The following CDH4 variants were observed in gnomAD, a reference collection of about 807,000 sequenced individuals.
CDH4 encodes cadherin-4.
CDH4 carries 33 observed loss-of-function variants against 86.0 expected under a neutral mutation model. The observed-to-expected ratio is 0.38, with a 90% CI of 0.29 to 0.51. The LOEUF (loss-of-function observed/expected upper bound fraction) is 0.51, where lower values mean the gene tolerates loss of function less well. CDH4 is among the 20% of genes least tolerant of loss of function. CDH4 has a pLI of 0.86. For synonymous variants in CDH4, 555 were observed against 549.4 expected (o/e 1.01, Z -0.14); for missense variants, 1,114 against 1,307.4 (o/e 0.85, Z 2.28).
In CDH4 at chr20:61,433,214, G is replaced by A. The variant is rs147636398; in HGVS notation, c.169+178277G>A. 4.0e-3 allele frequency among the ~76,000 whole-genome samples: 611 copies of A among 152,120 alleles called. 6 individuals are homozygous for A. Among genetic ancestry groups the A allele is most frequent in the African/African-American group, 0.014 (579 of 41,500 alleles). ...TTCTTCTGTTTTTTAAATTTTTTCC[G>A]TATGGTTATCCAATTGTTGGTGCAC... On this transcript the variant is annotated intron_variant, in intron 2 of 15. Transcript: ENST00000614565.
At chr20:61,306,332 TTTTC>T (rs1302916460) in intron 2 of CDH4, among the ~76,000 whole-genome samples, 1 of 71,182 alleles carries the variant, frequency 1.4e-5, no homozygotes, top group African/African-American at 4.8e-5. Flanking sequence ...AAGTTTTCTT[TTTTC>T]TTTCTTTTTC....
At chr20:61,333,221 A>G (rs945516760) in intron 2 of CDH4, among the ~76,000 whole-genome samples, 1 of 151,968 alleles carries the variant, frequency 6.6e-6, no homozygotes, top group Non-Finnish European at 1.5e-5. Flanking sequence ...ACACGTGCAG[A>G]CACGCATGCA....
intron 2 of CDH4, among the ~76,000 whole-genome samples, chr20:61,470,993 G>C (rs889297548): frequency 1.3e-5 from 2 of 151,882 alleles, no homozygotes; most frequent in African/African-American, 2.4e-5. Flanking sequence ...TGGTTTGTAG[G>C]CTTTCTTTTT....
chr20:61,642,846 A>T (rs1390337569), intron 2 of CDH4, among the ~76,000 whole-genome samples: 1 of 152,070 alleles, frequency 6.6e-6, no homozygotes, highest in Non-Finnish European at 1.5e-5. Flanking sequence ...AAGCCAGAAA[A>T]TGTATCATTT....
Position 61,501,522 on chromosome 20 carries a change from G to A in CDH4, c.170-242041G>A, listed in dbSNP as rs912217716. Among the ~76,000 whole-genome samples, 2 of 152,202 alleles carry A rather than the reference G, an allele frequency of 1.3e-5. No homozygotes were observed. The highest frequency in any genetic ancestry group is 2.4e-5 in the African/African-American group (1 of 41,456). ...CCTGGCTGAGATTCAGGAGACGGCT[G>A]CTGCCGTCTCTGCCCCCTCATCCTT... is the stretch of plus-strand genomic sequence containing the variant. On this transcript the variant is annotated intron_variant, in intron 2 of 15. Coordinates refer to ENST00000614565, the MANE Select transcript of CDH4 (RefSeq NM_001794.5). This position sits in a 1 kb window ranked among gnomAD's most constrained non-coding sequence, Gnocchi z 4.2.
intron 2 of CDH4, among the ~76,000 whole-genome samples, chr20:61,657,527 A>G (rs2087205456): frequency 6.6e-6 from 1 of 152,222 alleles, no homozygotes; most frequent in Non-Finnish European, 1.5e-5. Context: ...ATCTCTGCGG[A>G]GGCAGATAAG....
chr20:61,910,575 G>T lies in CDH4; in HGVS notation c.1342G>T (p.Val448Leu). 6.2e-7 allele frequency: 1 copy of T among 1,613,720 alleles called. No homozygotes were observed. The highest frequency in any genetic ancestry group is 8.5e-7 in the Non-Finnish European group (1 of 1,179,988). The change falls in exon 9 of 16, where the codon GTA becomes TTA. Residue 448 changes from valine (V) to leucine (L), a missense_variant. By Grantham distance (32) the Val-to-Leu change is conservative. This residue lies in a region of CDH4 where 705 missense variants were observed against 914.1 expected (regional missense o/e 0.77). Coordinates refer to ENST00000614565, the MANE Select transcript of CDH4 (RefSeq NM_001794.5). ...GCACTTCAGCGTCCGCACAGACCCCGTAACCAACGAGGGCATGGTCACCGT... is the reference window on the plus strand; with the variant it reads ...GCACTTCAGCGTCCGCACAGACCCCTTAACCAACGAGGGCATGGTCACCGT... ...SGHFSVRTDP[V>L]TNEGMVTVVK... is the part of the protein sequence containing the mutation.
intron 2 of CDH4, among the ~76,000 whole-genome samples, chr20:61,655,813 G>T (rs868224289): frequency 1.3e-5 from 2 of 152,238 alleles, no homozygotes; most frequent in Non-Finnish European, 1.5e-5. Context: ...CCCATCACCT[G>T]CAGGGTCACC....
At chr20:61,626,285 G>A (rs763357109) in intron 2 of CDH4, among the ~76,000 whole-genome samples, 8 of 152,168 alleles carry the variant, frequency 5.3e-5, no homozygotes, top group South Asian at 4.1e-4. Context: ...GGAATCAGCT[G>A]GAGGCGACCT....
intron 2 of CDH4, among the ~76,000 whole-genome samples, chr20:61,539,759 G>A (rs1340449847): frequency 6.6e-6 from 1 of 152,224 alleles, no homozygotes; most frequent in Non-Finnish European, 1.5e-5. Flanking sequence ...TGCTGTCACA[G>A]GACGAGAGGG....
intron 4 of CDH4, among the ~76,000 whole-genome samples, chr20:61,787,108 A>G (rs1055522702): frequency 8.2e-5 from 7 of 85,282 alleles, no homozygotes; most frequent in African/African-American, 1.8e-4. Flanking sequence ...TCATCCATCC[A>G]TCCATCCATC....
At chr20:61,674,602 G>A (rs942150904) in intron 2 of CDH4, among the ~76,000 whole-genome samples, 25 of 152,174 alleles carry the variant, frequency 1.6e-4, no homozygotes, top group African/African-American at 6.0e-4. Flanking sequence ...AAATTTTCAG[G>A]AGCCACATTC....
At chr20:61,387,933 G>C (rs1253417408) in intron 2 of CDH4, among the ~76,000 whole-genome samples, 1 of 151,908 alleles carries the variant, frequency 6.6e-6, no homozygotes, top group Non-Finnish European at 1.5e-5. Context: ...TTCTAATGCA[G>C]TTTCATCACA....
Position 61,884,033 on chromosome 20 carries a change from G to A in CDH4, c.1050+10133G>A, listed in dbSNP as rs563899336. The stretch of plus-strand genomic sequence containing the variant: ...CCAACAGCAGGCCGAGGGAGGAATC[G>A]CTGCCTGGAACTGGGACTCGCTGCC... On this transcript the variant is annotated intron_variant, in intron 7 of 15. Transcript: ENST00000614565. Among the ~76,000 whole-genome samples, 41 of 149,058 alleles carry A rather than the reference G, an allele frequency of 2.8e-4. No individual in the cohort carries two copies. In the South Asian group the frequency reaches 7.1e-3, roughly 26 times the overall value.
At chr20:61,563,965 C>T (rs534881174) in intron 2 of CDH4, among the ~76,000 whole-genome samples, 1 of 152,280 alleles carries the variant, frequency 6.6e-6, no homozygotes, top group African/African-American at 2.4e-5. Flanking sequence ...GGCCTCTCAA[C>T]CTACCCAGAA....
At chr20:61,537,890 C>A (rs1195842810) in intron 2 of CDH4, among the ~76,000 whole-genome samples, 1 of 152,154 alleles carries the variant, frequency 6.6e-6, no homozygotes, top group Admixed American at 6.5e-5. Flanking sequence ...GAGTCGGCTG[C>A]GTGGCCTGCT....
chr20:61,523,831 G>T (rs2085890959), intron 2 of CDH4, among the ~76,000 whole-genome samples: 2 of 152,242 alleles, frequency 1.3e-5, no homozygotes, highest in African/African-American at 2.4e-5. Context: ...TCCAGGTGGA[G>T]TTGTAATGCC....
At position 61,889,718 on chromosome 20, in the gene CDH4, G is replaced by T. The variant is rs981227857; in HGVS notation, c.1051-5192G>T. Among the ~76,000 whole-genome samples, 14 of 150,080 alleles carry T rather than the reference G, an allele frequency of 9.3e-5. No homozygotes were observed. The South Asian group carries it at 1.7e-3, about 18-fold the overall frequency. On this transcript the variant is annotated intron_variant, in intron 7 of 15. Coordinates refer to ENST00000614565, the MANE Select transcript of CDH4 (RefSeq NM_001794.5). ...ATGATGGATGGATAGATGATGGATGGATGGACAGACAGATGGATGATGGAT... is the reference window on the plus strand; with the variant it reads ...ATGATGGATGGATAGATGATGGATGTATGGACAGACAGATGGATGATGGAT...
chr20:61,268,027 G>C (rs1348756975), intron 2 of CDH4, among the ~76,000 whole-genome samples: 1 of 152,188 alleles, frequency 6.6e-6, no homozygotes, highest in East Asian at 1.9e-4. Flanking sequence ...TTGCAGACGT[G>C]GGTCTGGGCC....
Sources: gnomAD v4.1 joint callset for allele counts (sites outside exome capture counted in the v4.1 genomes callset) on GRCh38, gnomAD v4.1.1 for gene constraint, gnomAD v4.1.1 regional missense constraint, Gnocchi (gnomAD v3.1) non-coding constraint, MANE v1.5 for transcripts, NCBI Gene and HGNC (gene_info 2026-07-23, HGNC 2026-07-21) for gene names.